MMRN1: variants seen among roughly 807,000 people sequenced by gnomAD.
MMRN1 encodes multimerin-1.
A neutral mutation model predicts 100.7 loss-of-function variants in MMRN1; 94 were observed. The ratio of observed to expected loss-of-function variants is 0.93; its 90% CI spans 0.79 to 1.11. The LOEUF is 1.11. MMRN1 is among the 50% of genes least tolerant of loss of function. MMRN1 has a pLI of 0.00. For missense variants in MMRN1, 1,606 were observed against 1,439.1 expected, an observed-to-expected ratio of 1.12 and a Z score of -1.88; for synonymous variants, 575 against 505.0, an observed-to-expected ratio of 1.14 and a Z score of -1.86.
chr4:89,949,572 A>G (rs1299235651), intron 6 of MMRN1, among the ~76,000 whole-genome samples: 1 of 152,230 alleles, frequency 6.6e-6, no homozygotes. Context: ...GGATTTGATA[A>G]TCTATTCACA....
intron 6 of MMRN1, 24 bp downstream of exon 6, chr4:89,936,822 T>A: frequency 1.3e-6 from 2 of 1,536,260 alleles, no homozygotes; most frequent in Non-Finnish European, 1.7e-6. Context: ...GAAAAGTAAC[T>A]TTTAATCTCT....
chr4:89,886,608 C>G (rs1720941807), intron 1 of MMRN1, among the ~76,000 whole-genome samples: 1 of 152,074 alleles, frequency 6.6e-6, no homozygotes, highest in East Asian at 1.9e-4. Flanking sequence ...ATGTGAATAT[C>G]TGTCTACTAA....
chr4:89,896,315 T>C (rs560429022), intron 1 of MMRN1, among the ~76,000 whole-genome samples: 10 of 152,286 alleles, frequency 6.6e-5, no homozygotes, highest in Non-Finnish European at 1.2e-4. Context: ...ATCATGAATA[T>C]GATGAATCAG....
rs771369633 is a variant in MMRN1 at position 89,934,800 on chromosome 4, C to T, written c.1130-10C>T. 1 of 1,386,322 alleles carries T rather than the reference C, an allele frequency of 7.2e-7. No individual in the cohort carries two copies. Among genetic ancestry groups the T allele is most frequent in the African/African-American group, 1.5e-5 (1 of 68,854 alleles). 85.9% of individuals were successfully genotyped at this position (1,386,322 alleles called of 1,614,324 possible). On this transcript the variant is annotated splice_polypyrimidine_tract_variant and intron_variant, in intron 5 of 7. Coordinates refer to ENST00000264790, the MANE Select transcript of MMRN1 (RefSeq NM_007351.3). ...TAAAACTATGTATTATTAATTATTT[C>T]TTTCTCTAGGTCTAAAATCCAAAAG... is the stretch of plus-strand genomic sequence containing the variant.
In MMRN1 at chr4:89,938,679, C is replaced by T. The variant is rs562425411; in HGVS notation, c.3118+1881C>T. On this transcript the variant is annotated intron_variant, in intron 6 of 7. Transcript: ENST00000264790. ...GTATCTAGATACTTATTGTGATTGACTCAATATTGGGCTTAATAGACTAAT... is the reference window on the plus strand; with the variant it reads ...GTATCTAGATACTTATTGTGATTGATTCAATATTGGGCTTAATAGACTAAT... Among the ~76,000 whole-genome samples, 31 of 151,556 alleles carry T rather than the reference C, an allele frequency of 2.0e-4. No homozygotes were observed. The South Asian group carries it at 6.2e-3, about 31-fold the overall frequency.
At chr4:89,941,877 G>A (rs1406806902) in intron 6 of MMRN1, among the ~76,000 whole-genome samples, 3 of 152,150 alleles carry the variant, frequency 2.0e-5, no homozygotes, top group Admixed American at 2.0e-4. Context: ...GAAGGAAATA[G>A]TAAATGAACT....
chr4:89,938,800 G>A (rs1202802721), intron 6 of MMRN1, among the ~76,000 whole-genome samples: 1 of 151,568 alleles, frequency 6.6e-6, no homozygotes, highest in Admixed American at 6.6e-5. Flanking sequence ...AACTTTTTAT[G>A]TTCCTGTCTA....
At chr4:89,901,269 T>C (rs982473251) in intron 1 of MMRN1, among the ~76,000 whole-genome samples, 2 of 151,954 alleles carry the variant, frequency 1.3e-5, no homozygotes, top group Non-Finnish European at 2.9e-5. Context: ...CTCATACATA[T>C]GTTAACATGT....
At chr4:89,946,629 T>G (rs1211986743) in intron 6 of MMRN1, among the ~76,000 whole-genome samples, 1 of 152,094 alleles carries the variant, frequency 6.6e-6, no homozygotes, top group Non-Finnish European at 1.5e-5. Flanking sequence ...CCTCTTCTCA[T>G]GAAGTTCATA....
chr4:89,909,467 T>C, intron 2 of MMRN1, 72 bp downstream of exon 2: 1 of 1,545,728 alleles, frequency 6.5e-7, no homozygotes, highest in Non-Finnish European at 8.8e-7. Context: ...TATATAATGT[T>C]ATTCATGCAA....
intron 1 of MMRN1, among the ~76,000 whole-genome samples, chr4:89,896,555 A>G (rs1721212254): frequency 6.6e-6 from 1 of 152,162 alleles, no homozygotes. Flanking sequence ...GCAAAACTAA[A>G]CTTACAAATA....
At chr4:89,898,638 C>T (rs1259993858) in intron 1 of MMRN1, among the ~76,000 whole-genome samples, 2 of 151,746 alleles carry the variant, frequency 1.3e-5, no homozygotes, top group Non-Finnish European at 2.9e-5. Context: ...CCACTTCCGG[C>T]TATTCAAATA....
Position 89,953,457 on chromosome 4 carries a change from CA to C in MMRN1, c.*40del. On this transcript the variant is annotated 3_prime_UTR_variant, in exon 8 of 8. Coordinates refer to ENST00000264790, the MANE Select transcript of MMRN1 (RefSeq NM_007351.3). Reference sequence around the variant, plus strand: ...ACAGACTATCACCTTTATTGAGAAACAGCCAGTGTTTTCATTTATCTTTGCT... The same window carrying C: ...ACAGACTATCACCTTTATTGAGAAACGCCAGTGTTTTCATTTATCTTTGCT... The C allele has an allele frequency of 6.6e-7, 1 of 1,512,610 alleles. No homozygotes were observed. Among genetic ancestry groups the C allele is most frequent in the African/African-American group, 1.4e-5 (1 of 71,742 alleles). 93.7% of individuals were successfully genotyped at this position (1,512,610 alleles called of 1,614,324 possible). A position where few individuals can be genotyped will look rare whatever the true frequency, so the allele number is the denominator to read the frequency against.
At chr4:89,892,563 A>G (rs759548183), upstream of MMRN1, among the ~76,000 whole-genome samples, 95 of 151,802 alleles carry the variant, frequency 6.3e-4, 2 homozygotes, top group Admixed American at 3.0e-3. Context: ...GCTGATCCAT[A>G]TACCCAAAAT....
intron 1 of MMRN1, among the ~76,000 whole-genome samples, chr4:89,901,219 G>T (rs1215138553): frequency 6.6e-6 from 1 of 150,410 alleles, no homozygotes; most frequent in African/African-American, 2.4e-5. Context: ...TTTATGTTTT[G>T]TGTTTGTTTC....
chr4:89,914,965 A>G (rs1353530041), intron 3 of MMRN1, among the ~76,000 whole-genome samples: 1 of 151,604 alleles, frequency 6.6e-6, no homozygotes, highest in Non-Finnish European at 1.5e-5. Context: ...CCTTTATAGG[A>G]AAAAGGTATC....
upstream of MMRN1, among the ~76,000 whole-genome samples, chr4:89,891,581 A>G (rs1323145290): frequency 1.3e-5 from 2 of 152,020 alleles, no homozygotes; most frequent in Non-Finnish European, 2.9e-5. Flanking sequence ...TAGCACATCG[A>G]CTCATCAAAA....
At chr4:89,887,201 A>G (rs1412522621) in intron 1 of MMRN1, among the ~76,000 whole-genome samples, 1 of 152,128 alleles carries the variant, frequency 6.6e-6, no homozygotes, top group Non-Finnish European at 1.5e-5. Flanking sequence ...TCAAAGGATC[A>G]ATATTGTTAA....
chr4:89,919,487 T>C (rs1387665215), intron 3 of MMRN1, among the ~76,000 whole-genome samples: 1 of 151,756 alleles, frequency 6.6e-6, no homozygotes, highest in East Asian at 1.9e-4. Context: ...AATCCAACGT[T>C]TACCTAGCAA....
Sources: allele counts gnomAD v4.1 joint callset (sites outside exome capture counted in the v4.1 genomes callset), GRCh38; gene constraint gnomAD v4.1.1; transcripts MANE v1.5; gene names NCBI Gene and HGNC (gene_info 2026-07-23, HGNC 2026-07-21).